The following SNX7 variants were observed in gnomAD, a reference collection of about 807,000 sequenced individuals.
SNX7 encodes sorting nexin 7.
Under a neutral mutation model 48.4 loss-of-function variants are expected in SNX7, and 35 were observed. The observed-to-expected ratio is 0.72, with a 90% confidence interval of 0.55 to 0.96. The LOEUF (loss-of-function observed/expected upper bound fraction) is 0.96, where lower values mean the gene tolerates loss of function less well. Ranked by LOEUF, SNX7 falls within the 40% of genes least tolerant of loss-of-function variation. The pLI is 0.00. For missense variants in SNX7, 553 were observed against 548.9 expected (o/e 1.01, Z -0.07); for synonymous variants, 190 against 190.2 (o/e 1.00, Z 0.01).
intron 2 of SNX7, among the ~76,000 whole-genome samples, chr1:98,688,332 C>A (rs969848202): frequency 5.9e-5 from 9 of 151,944 alleles, no homozygotes; most frequent in African/African-American, 2.2e-4. Context: ...GGGAAATTAC[C>A]CTTTGTTGTC....
At chr1:98,756,083 A>AT (rs1375770598) in intron 8 of SNX7, among the ~76,000 whole-genome samples, 1 of 151,932 alleles carries the variant, frequency 6.6e-6, no homozygotes, top group East Asian at 1.9e-4. Context: ...ACTCTTTTGT[A>AT]TTAGGTATAA....
At chr1:98,691,046 G>C in intron 2 of SNX7, 29 bp from the exon 3 acceptor site, 13 of 1,453,392 alleles carry the variant, frequency 8.9e-6, no homozygotes, top group Non-Finnish European at 1.2e-5. Context: ...TATATTGCAT[G>C]TGCTGTTATT....
intron 7 of SNX7, among the ~76,000 whole-genome samples, chr1:98,716,967 C>CA (rs1652624947): frequency 6.6e-6 from 1 of 150,646 alleles, no homozygotes; most frequent in African/African-American, 2.4e-5. Flanking sequence ...AAAATCAAAG[C>CA]AAAAAGGAAT....
intron 1 of SNX7, chr1:98,662,131 C>G: frequency 2.5e-6 from 1 of 394,464 alleles, no homozygotes; most frequent in Non-Finnish European, 4.4e-6. Flanking sequence ...GCTCCCTCCT[C>G]CGCACTTTGA....
At chr1:98,662,933 CG>C in intron 1 of SNX7, 3 of 932,238 alleles carry the variant, frequency 3.2e-6, no homozygotes, top group Non-Finnish European at 4.3e-6. Context: ...ATTTCTACTT[CG>C]GTTTAAATGG....
chr1:98,675,458 A>G (rs1057508082), intron 1 of SNX7, among the ~76,000 whole-genome samples: 10 of 152,248 alleles, frequency 6.6e-5, no homozygotes, highest in Admixed American at 5.9e-4. Context: ...GCATATTTTT[A>G]TGACACCACA....
At chr1:98,690,359 A>ATG (rs1651050557) in intron 2 of SNX7, among the ~76,000 whole-genome samples, 1 of 152,022 alleles carries the variant, frequency 6.6e-6, no homozygotes, top group Non-Finnish European at 1.5e-5. Flanking sequence ...TATTGTACCC[A>ATG]TGTTCTTCTT....
chr1:98,735,408 G>A (rs895109214), intron 7 of SNX7, among the ~76,000 whole-genome samples: 2 of 151,932 alleles, frequency 1.3e-5, no homozygotes, highest in Non-Finnish European at 2.9e-5. Context: ...TGAATAACTC[G>A]TCAAAGAAAG....
rs187783987 is a variant in SNX7 at position 98,683,571 on chromosome 1, C to A, written c.181-1314C>A. The stretch of plus-strand genomic sequence containing the variant: ...AAAGGACCCCAGAGAGACCCTCCCC[C>A]CTTTTACCATGTGAGATTATAGTGA... On this transcript the variant is annotated intron_variant, in intron 1 of 8. Coordinates refer to ENST00000306121, the MANE Select transcript of SNX7 (RefSeq NM_015976.5). Among the ~76,000 whole-genome samples the A allele has an allele frequency of 2.3e-3, 355 of 152,210 alleles. 1 individual carries two copies. The highest frequency in any genetic ancestry group is 4.0e-3 in the Non-Finnish European group (275 of 68,006).
At chr1:98,700,178 G>A (rs929770437) in intron 6 of SNX7, among the ~76,000 whole-genome samples, 1 of 152,138 alleles carries the variant, frequency 6.6e-6, no homozygotes. Context: ...GGTATAATAA[G>A]TAGTACTTAT....
chr1:98,714,925 C>A (rs1417255596), intron 7 of SNX7, among the ~76,000 whole-genome samples: 1 of 152,146 alleles, frequency 6.6e-6, no homozygotes, highest in African/African-American at 2.4e-5. Flanking sequence ...TTCCAAGTGA[C>A]AAACTTACAG....
chr1:98,681,212 T>C (rs989214341), intron 1 of SNX7, among the ~76,000 whole-genome samples: 3 of 152,152 alleles, frequency 2.0e-5, no homozygotes, highest in African/African-American at 7.2e-5. Context: ...TGAGACTTAT[T>C]CACTATCAGG....
intron 1 of SNX7, among the ~76,000 whole-genome samples, chr1:98,670,213 ATAT>A (rs1269387586): frequency 6.6e-6 from 1 of 152,212 alleles, no homozygotes; most frequent in Non-Finnish European, 1.5e-5. Flanking sequence ...CATTTAGATT[ATAT>A]TAGAAGAAAT....
At chr1:98,723,107 G>T (rs1557821741) in intron 7 of SNX7, among the ~76,000 whole-genome samples, 2 of 152,082 alleles carry the variant, frequency 1.3e-5, no homozygotes, top group Non-Finnish European at 2.9e-5. Flanking sequence ...TAAAATAATT[G>T]CAAGATCTAA....
In SNX7 at chr1:98,739,576, T is replaced by C. The variant is rs143008278; in HGVS notation, c.1278+1187T>C. 1.4e-3 allele frequency among the ~76,000 whole-genome samples: 209 copies of C among 152,248 alleles called. 5 individuals are homozygous for C. The East Asian group carries it at 0.036, about 26-fold the overall frequency. ...GGAAACAATCACAAAGAGAGCATGA[T>C]AAAATGGTATAAGGTTCGGTATAGA... On this transcript the variant is annotated intron_variant, in intron 8 of 8. Transcript: ENST00000306121.
At chr1:98,686,058 C>G (rs1366141460) in intron 2 of SNX7, among the ~76,000 whole-genome samples, 1 of 152,114 alleles carries the variant, frequency 6.6e-6, no homozygotes, top group East Asian at 1.9e-4. Flanking sequence ...TAGGGGATCT[C>G]TTGCTCTCAA....
chr1:98,741,008 G>A (rs1654042670), intron 8 of SNX7, among the ~76,000 whole-genome samples: 1 of 152,028 alleles, frequency 6.6e-6, no homozygotes, highest in Non-Finnish European at 1.5e-5. Flanking sequence ...AAATGATCAG[G>A]GATTCTTAGC....
In SNX7 at chr1:98,697,449, T is replaced by C. The variant is rs528163956; in HGVS notation, c.839-1257T>C. Among the ~76,000 whole-genome samples, 4 of 152,222 alleles carry C rather than the reference T, an allele frequency of 2.6e-5. No individual in the cohort carries two copies. The East Asian group carries it at 5.8e-4, about 22-fold the overall frequency. ...TGGATAGTGAACAAAAAACGGTCACTGCTTATAAATTTTCCACCACAAAAA... is the reference window on the plus strand; with the variant it reads ...TGGATAGTGAACAAAAAACGGTCACCGCTTATAAATTTTCCACCACAAAAA... On this transcript the variant is annotated intron_variant, in intron 5 of 8. Coordinates refer to ENST00000306121, the MANE Select transcript of SNX7 (RefSeq NM_015976.5).
intron 7 of SNX7, among the ~76,000 whole-genome samples, chr1:98,712,151 A>T (rs903081600): frequency 6.6e-6 from 1 of 152,158 alleles, no homozygotes; most frequent in Non-Finnish European, 1.5e-5. Context: ...GCTCAAAGTC[A>T]TCTATAAGAG....
Sources: allele counts gnomAD v4.1 joint callset (sites outside exome capture counted in the v4.1 genomes callset), GRCh38; gene constraint gnomAD v4.1.1; transcripts MANE v1.5; gene names NCBI Gene and HGNC (gene_info 2026-07-23, HGNC 2026-07-21).